Variants in LUZP1 observed in about 807,000 individuals in gnomAD.
LUZP1 encodes the protein filamin mechanobinding actin cross-linking protein.
Under a neutral mutation model 71.3 loss-of-function variants are expected in LUZP1, and 25 were observed. That is an observed-to-expected ratio of 0.35 (90% CI 0.26 to 0.49). LUZP1 has a LOEUF of 0.49. Among genes scored for constraint, LUZP1 ranks in the 20% least tolerant of loss-of-function variants. The pLI, the probability that LUZP1 is intolerant of heterozygous loss-of-function variation, is 0.99. For synonymous variants in LUZP1, 481 were observed against 506.4 expected, an observed-to-expected ratio of 0.95 and a Z score of 0.67; for missense variants, 1,142 against 1,300.8, an observed-to-expected ratio of 0.88 and a Z score of 1.88.
At chr1:23,170,452 CTTTT>C (rs1644544002) in intron 1 of LUZP1, among the ~76,000 whole-genome samples, 1 of 140,340 alleles carries the variant, frequency 7.1e-6, no homozygotes, top group Admixed American at 7.1e-5. Flanking sequence ...TTCTTATTTT[CTTTT>C]TCTTTCTTTT....
intron 2 of LUZP1, among the ~76,000 whole-genome samples, chr1:23,114,831 C>T (rs112222836): frequency 1.3e-3 from 194 of 152,316 alleles, no homozygotes; most frequent in Non-Finnish European, 2.2e-3. Context: ...CATTGTTGGA[C>T]CTCAGATGTG....
At chr1:23,159,616 T>C (rs887684716) in intron 2 of LUZP1, among the ~76,000 whole-genome samples, 1 of 152,216 alleles carries the variant, frequency 6.6e-6, no homozygotes, top group Non-Finnish European at 1.5e-5. Context: ...TAAATATTTG[T>C]TGAGTGAATG....
At chr1:23,116,899 A>G (rs937236178) in intron 2 of LUZP1, among the ~76,000 whole-genome samples, 1 of 152,232 alleles carries the variant, frequency 6.6e-6, no homozygotes, top group Non-Finnish European at 1.5e-5. Flanking sequence ...TTTTACATGC[A>G]TCTCATCTCC....
At chr1:23,157,509 C>A (rs1644429256) in intron 2 of LUZP1, among the ~76,000 whole-genome samples, 1 of 151,658 alleles carries the variant, frequency 6.6e-6, no homozygotes, top group Non-Finnish European at 1.5e-5. Flanking sequence ...AGACCTGTCT[C>A]GCCAGGCACG....
At chr1:23,169,627 T>C (rs1399310064) in intron 1 of LUZP1, among the ~76,000 whole-genome samples, 1 of 152,212 alleles carries the variant, frequency 6.6e-6, no homozygotes, top group Non-Finnish European at 1.5e-5. Flanking sequence ...AATAACCAGA[T>C]GATCTCAAAA....
At chr1:23,107,721 G>A (rs1643994894) in intron 3 of LUZP1, among the ~76,000 whole-genome samples, 1 of 152,186 alleles carries the variant, frequency 6.6e-6, no homozygotes, top group Non-Finnish European at 1.5e-5. Flanking sequence ...AGAATCGCTT[G>A]AGCCCAGGAG....
intron 3 of LUZP1, among the ~76,000 whole-genome samples, chr1:23,095,951 C>G (rs1259926392): frequency 6.6e-6 from 1 of 152,102 alleles, no homozygotes; most frequent in Non-Finnish European, 1.5e-5. Context: ...AGGATTCCCA[C>G]AGATTAAAGT....
rs183461237 is a variant in LUZP1, at chr1:23,153,047, A to G, written c.-226+15719T>C. 1.3e-5 allele frequency among the ~76,000 whole-genome samples: 2 copies of G among 152,246 alleles called. 1 individual carries two copies. ...CAGATAATCTATACAACACTTCTTG[A>G]TTAATGTCATAATTCCAAGTTCATC... On this transcript the variant is annotated intron_variant, in intron 2 of 4. Transcript: ENST00000302291.
chr1:23,146,094 G>A (rs1472811519), intron 2 of LUZP1, among the ~76,000 whole-genome samples: 1 of 151,822 alleles, frequency 6.6e-6, no homozygotes, highest in Non-Finnish European at 1.5e-5. Flanking sequence ...GCAGTGGTGC[G>A]ATCTCGGCTC....
intron 3 of LUZP1, among the ~76,000 whole-genome samples, chr1:23,103,842 G>A (rs1312485099): frequency 3.7e-3 from 10 of 2,682 alleles, no homozygotes; most frequent in Non-Finnish European, 6.7e-3. Context: ...GAGGGAGAGA[G>A]GGAGGGAGGG....
intron 2 of LUZP1, among the ~76,000 whole-genome samples, chr1:23,158,004 C>A (rs758646382): frequency 1.2e-4 from 18 of 151,888 alleles, no homozygotes; most frequent in Admixed American, 6.6e-4. Context: ...AGAATGAGAA[C>A]CTGTCTCTTT....
intron 2 of LUZP1, among the ~76,000 whole-genome samples, chr1:23,165,495 G>C (rs1019747643): frequency 1.3e-4 from 19 of 151,398 alleles, no homozygotes; most frequent in African/African-American, 4.4e-4. Flanking sequence ...GGAAACACAG[G>C]GAAACCTCAT....
At chr1:23,118,561 G>A (rs1644104852) in intron 2 of LUZP1, among the ~76,000 whole-genome samples, 1 of 152,126 alleles carries the variant, frequency 6.6e-6, no homozygotes, top group Non-Finnish European at 1.5e-5. Context: ...AAGATTATAA[G>A]GACCAAACAG....
chr1:23,094,027 C>A lies in LUZP1; in HGVS notation c.235G>T (p.Asp79Tyr). The A allele has an allele frequency of 6.2e-7, 1 of 1,614,204 alleles. No homozygotes were observed. Among genetic ancestry groups the A allele is most frequent in the Non-Finnish European group, 8.5e-7 (1 of 1,180,038 alleles). The change falls in exon 4 of 5, where the codon GAC becomes TAC. Residue 79 changes from aspartate (D) to tyrosine (Y), a missense_variant. Transcript: ENST00000302291. This position sits in a 1 kb window ranked among gnomAD's most constrained non-coding sequence, Gnocchi z 4.7. ...TCCTCTGCTCTCTTAATTTCCTCGT[C>A]TTTGCCTTCAATTCTCAGCACCCGC...
intron 2 of LUZP1, among the ~76,000 whole-genome samples, chr1:23,122,690 T>C (rs1571466): frequency 0.52 from 79,215 of 152,062 alleles, 21,327 homozygotes; most frequent in African/African-American, 0.66. Flanking sequence ...TAAAAATAAC[T>C]TATTAAAACG....
intron 4 of LUZP1, chr1:23,090,870 A>G (rs1377646848): frequency 4.2e-6 from 3 of 717,570 alleles, no homozygotes; most frequent in Non-Finnish European, 7.8e-6. Context: ...TGCTGTTCTG[A>G]GGGCCTACGG....
At chr1:23,104,862 G>C (rs368408603) in intron 3 of LUZP1, among the ~76,000 whole-genome samples, 1 of 152,218 alleles carries the variant, frequency 6.6e-6, no homozygotes, top group Non-Finnish European at 1.5e-5. Flanking sequence ...GTGCCAAAGA[G>C]ATCAGGCCAA....
exon 4 of LUZP1, chr1:23,092,795 C>A: frequency 6.2e-7 from 1 of 1,613,790 alleles, no homozygotes; most frequent in Non-Finnish European, 8.5e-7. Flanking sequence ...TGGAAGTCCC[C>A]TTCCACGCTT....
intron 2 of LUZP1, among the ~76,000 whole-genome samples, chr1:23,143,051 C>T (rs929591006): frequency 6.6e-5 from 10 of 151,686 alleles, no homozygotes; most frequent in African/African-American, 1.5e-4. Context: ...CTCTCTTGTC[C>T]GGGGTGGAGT....
Sources: allele counts gnomAD v4.1 joint callset (sites outside exome capture counted in the v4.1 genomes callset), GRCh38; gene constraint gnomAD v4.1.1; non-coding constraint Gnocchi (gnomAD v3.1); transcripts MANE v1.5; gene names NCBI Gene and HGNC (gene_info 2026-07-23, HGNC 2026-07-21).